The following ARFGEF1 variants were observed in gnomAD, a reference collection of about 807,000 sequenced individuals.
The protein encoded by ARFGEF1 is brefeldin A-inhibited guanine nucleotide-exchange protein 1.
Under a neutral mutation model 231.0 loss-of-function variants are expected in ARFGEF1, and 42 were observed. The ratio of observed to expected loss-of-function variants is 0.18; its 90% confidence interval spans 0.14 to 0.24. The LOEUF is 0.24. Ranked by LOEUF, ARFGEF1 falls within the 10% of genes least tolerant of loss-of-function variation. The probability of loss-of-function intolerance (pLI) is 1.00; values close to 1 mark genes in which losing one functional copy is unlikely to be tolerated. For synonymous variants in ARFGEF1, 710 were observed against 732.3 expected, an observed-to-expected ratio of 0.97 and a Z score of 0.49; for missense variants, 1,345 against 2,192.0, an observed-to-expected ratio of 0.61 and a Z score of 7.72.
chr8:67,343,379 G>A lies in ARFGEF1; in HGVS notation c.-92C>T. On this transcript the variant is annotated 5_prime_UTR_variant, in exon 1 of 39. Transcript: ENST00000262215. Reference sequence around the variant, plus strand: ...GAGAGGAAGGAAGAGAAGAGAGAAAGGAGAGGGGGTGGAGGTGGGGGATTG... The same window carrying A: ...GAGAGGAAGGAAGAGAAGAGAGAAAAGAGAGGGGGTGGAGGTGGGGGATTG... 3 of 1,529,062 alleles carry A rather than the reference G, an allele frequency of 2.0e-6. No homozygotes were observed. Among genetic ancestry groups the A allele is most frequent in the Non-Finnish European group, 1.8e-6 (2 of 1,134,876 alleles). 94.7% of individuals were successfully genotyped at this position (1,529,062 alleles called of 1,614,324 possible).
chr8:67,224,911 T>C lies in ARFGEF1; in HGVS notation c.4200A>G (p.Val1400=). The C allele has an allele frequency of 6.4e-7, 1 of 1,550,930 alleles. No homozygotes were observed. Among genetic ancestry groups the C allele is most frequent in the Non-Finnish European group, 8.7e-7 (1 of 1,149,706 alleles). ...SCIINRCKLD[V]RTRGLTVMFE... ...CAAATATAGATTGTTACCTGGTTCT[T>C]ACATCTAATTTGCATCTATTGATGA... is the stretch of plus-strand genomic sequence containing the variant. The change falls in exon 29 of 39, where the codon GTA becomes GTG. Residue 1400 remains valine (V), a synonymous_variant. Transcript: ENST00000262215.
chr8:67,177,725 T>G, intron 5 of ARFGEF1: 1 of 1,609,256 alleles, frequency 6.2e-7, no homozygotes, highest in Middle Eastern at 1.7e-4. Context: ...GAGCAAAGAA[T>G]GGTAAGCAAC....
At chr8:67,242,123 C>A (rs1302160910) in intron 19 of ARFGEF1, among the ~76,000 whole-genome samples, 2 of 152,184 alleles carry the variant, frequency 1.3e-5, no homozygotes, top group African/African-American at 4.8e-5. Flanking sequence ...CCTAAATAAA[C>A]CTGAAAGTCA....
intron 14 of ARFGEF1, among the ~76,000 whole-genome samples, chr8:67,260,161 TTTAC>T (rs1297700332): frequency 1.3e-4 from 20 of 152,214 alleles, no homozygotes; most frequent in Non-Finnish European, 2.5e-4. Context: ...CACTGACTTG[TTTAC>T]TTACTTTTTT....
At chr8:67,211,786 G>T (rs1838761149) in intron 33 of ARFGEF1, among the ~76,000 whole-genome samples, 171 bp from the exon 34 acceptor site, 1 of 152,146 alleles carries the variant, frequency 6.6e-6, no homozygotes, top group African/African-American at 2.4e-5. Context: ...TGTACATAGA[G>T]AAAAGTTGAC....
At chr8:67,216,923 G>A (rs1279373352) in intron 32 of ARFGEF1, among the ~76,000 whole-genome samples, 1 of 150,914 alleles carries the variant, frequency 6.6e-6, no homozygotes, top group Non-Finnish European at 1.5e-5. Flanking sequence ...AACACTTTCT[G>A]ATAAGTTTTA....
chr8:67,208,526 A>C (rs186539933), intron 34 of ARFGEF1, among the ~76,000 whole-genome samples: 252 of 148,910 alleles, frequency 1.7e-3, no homozygotes, highest in African/African-American at 5.1e-3. Context: ...GCCACTCAGG[A>C]GGCTGAGGCA....
chr8:67,248,235 A>G (rs950416743), intron 19 of ARFGEF1, among the ~76,000 whole-genome samples: 2 of 150,448 alleles, frequency 1.3e-5, no homozygotes, highest in African/African-American at 5.0e-5. Flanking sequence ...CCTGCCTTCA[A>G]GTTATACTAC....
chr8:67,333,332 C>CT (rs35291856), intron 1 of ARFGEF1, among the ~76,000 whole-genome samples: 3,901 of 142,070 alleles, frequency 0.027, 117 homozygotes, highest in African/African-American at 0.075. Context: ...CATGCCTGGC[C>CT]TTTTTTTTTT....
At chr8:67,280,403 A>T (rs1805486703) in intron 7 of ARFGEF1, among the ~76,000 whole-genome samples, 1 of 152,250 alleles carries the variant, frequency 6.6e-6, no homozygotes, top group Non-Finnish European at 1.5e-5. Context: ...AGAGAGCAGC[A>T]TCTCAGCTAA....
At chr8:67,306,672 T>G (rs778554673) in intron 1 of ARFGEF1, among the ~76,000 whole-genome samples, 23 of 152,236 alleles carry the variant, frequency 1.5e-4, no homozygotes, top group Non-Finnish European at 2.4e-4. Flanking sequence ...ATCAATTTTG[T>G]CTTATATATA....
chr8:67,258,072 G>T lies in ARFGEF1; in HGVS notation c.2441+13C>A. ...TATAACAGACAATCAATGAGCATTT[G>T]AACCTTATTTACCCTTGGTTGCATT... On this transcript the variant is annotated intron_variant, in intron 16 of 38. Coordinates refer to ENST00000262215, the MANE Select transcript of ARFGEF1 (RefSeq NM_006421.5). 2 of 1,600,536 alleles carry T rather than the reference G, an allele frequency of 1.2e-6. No homozygotes were observed. Among genetic ancestry groups the T allele is most frequent in the South Asian group, 2.2e-5 (2 of 90,716 alleles).
At chr8:67,217,949 A>C (rs750624352) in intron 31 of ARFGEF1, 29 bp from the exon 32 acceptor site, 2 of 1,612,920 alleles carry the variant, frequency 1.2e-6, no homozygotes, top group South Asian at 2.2e-5. Context: ...ATTCATTTAT[A>C]TATTACCAGG....
intron 33 of ARFGEF1, among the ~76,000 whole-genome samples, chr8:67,214,895 A>G (rs1472317180): frequency 1.3e-5 from 2 of 152,226 alleles, no homozygotes; most frequent in Admixed American, 1.3e-4. Context: ...AAGAAAAAGA[A>G]GAACAACTGA....
intron 1 of ARFGEF1, among the ~76,000 whole-genome samples, chr8:67,340,277 C>G (rs1175690903): frequency 6.6e-6 from 1 of 152,190 alleles, no homozygotes; most frequent in Non-Finnish European, 1.5e-5. Flanking sequence ...AGAATGAAGA[C>G]AGACAGGTGG....
At chr8:67,244,877 T>C (rs1332166391) in intron 19 of ARFGEF1, among the ~76,000 whole-genome samples, 1 of 150,420 alleles carries the variant, frequency 6.6e-6, no homozygotes, top group Non-Finnish European at 1.5e-5. Context: ...ACAAGAAGGT[T>C]ATAGAACATC....
intron 1 of ARFGEF1, among the ~76,000 whole-genome samples, chr8:67,334,465 G>A (rs181524163): frequency 5.8e-4 from 89 of 152,232 alleles, no homozygotes; most frequent in Non-Finnish European, 8.5e-4. Context: ...TTGAAGAAAC[G>A]GGAAGCCTCA....
chr8:67,240,290 A>G lies in ARFGEF1; in HGVS notation c.2851T>C (p.Leu951=). The stretch of plus-strand genomic sequence containing the variant: ...GCAGCCAGAAAAGGCGTCCAAGCCA[A>G]CTACAAAAATTAAAAATTGTATTTT... ...HLEHVRPMFK[L]AWTPFLAAFS... The change falls in exon 20 of 39, where the codon TTG becomes CTG. Residue 951 remains leucine (L), a splice_region_variant and synonymous_variant. Coordinates refer to ENST00000262215, the MANE Select transcript of ARFGEF1 (RefSeq NM_006421.5). 1 of 1,587,650 alleles carries G rather than the reference A, an allele frequency of 6.3e-7. No individual in the cohort carries two copies. Among genetic ancestry groups the G allele is most frequent in the Non-Finnish European group, 8.5e-7 (1 of 1,173,568 alleles).
intron 1 of ARFGEF1, among the ~76,000 whole-genome samples, chr8:67,341,174 C>T (rs577134670): frequency 1.3e-5 from 2 of 152,146 alleles, no homozygotes; most frequent in Non-Finnish European, 2.9e-5. Context: ...AATATGCTTA[C>T]TTATGTTACT....
Sources: allele counts gnomAD v4.1 joint callset (sites outside exome capture counted in the v4.1 genomes callset), GRCh38; gene constraint gnomAD v4.1.1; transcripts MANE v1.5; gene names NCBI Gene and HGNC (gene_info 2026-07-23, HGNC 2026-07-21).